PROSER2: variants seen among roughly 807,000 people sequenced by gnomAD.
The protein encoded by PROSER2 is proline and serine-rich protein 2.
A neutral mutation model predicts 14.6 loss-of-function variants in PROSER2; 18 were observed. The ratio of observed to expected loss-of-function variants is 1.23; its 90% CI spans 0.85 to 1.83. PROSER2 has a LOEUF of 1.83. Ranked by LOEUF, PROSER2 falls within the 40% of genes most tolerant of loss-of-function variation. PROSER2 has a pLI of 0.00. For synonymous variants in PROSER2, 367 were observed against 286.4 expected (o/e 1.28, Z -2.84); for missense variants, 823 against 629.8 (o/e 1.31, Z -3.28).
intron 1 of PROSER2, among the ~76,000 whole-genome samples, chr10:11,825,537 G>C (rs1250138094): frequency 6.6e-6 from 1 of 152,222 alleles, no homozygotes; most frequent in African/African-American, 2.4e-5. Flanking sequence ...AGGAAAGCCT[G>C]TGTTCATGGA....
rs1012011589 is a variant in PROSER2 at position 11,870,616 on chromosome 10, C to T, written c.*210C>T. 6.4e-6 allele frequency: 3 copies of T among 470,304 alleles called. No individual in the cohort carries two copies. In the South Asian group the frequency reaches 1.4e-4, roughly 21 times the overall value. 29.1% of individuals were successfully genotyped at this position (470,304 alleles called of 1,614,324 possible). ...CAGCCACCGGCACAGAGAACTCTTCCCTAAAGGAATCTGGCCGAGGGCTTG... is the reference window on the plus strand; with the variant it reads ...CAGCCACCGGCACAGAGAACTCTTCTCTAAAGGAATCTGGCCGAGGGCTTG... On this transcript the variant is annotated 3_prime_UTR_variant, in exon 4 of 4. Coordinates refer to ENST00000277570, the MANE Select transcript of PROSER2 (RefSeq NM_153256.4).
At chr10:11,839,842 T>C (rs1309962293) in intron 1 of PROSER2, among the ~76,000 whole-genome samples, 2 of 151,650 alleles carry the variant, frequency 1.3e-5, no homozygotes. Flanking sequence ...AAAAAAAGAC[T>C]TAAAATACAA....
rs80048352 is a variant in PROSER2 at position 11,866,188 on chromosome 10, C to T, written c.139-343C>T. On this transcript the variant is annotated intron_variant, in intron 2 of 3. Coordinates refer to ENST00000277570, the MANE Select transcript of PROSER2 (RefSeq NM_153256.4). This position sits in a 1 kb window ranked among gnomAD's most constrained non-coding sequence, Gnocchi z 6.0. Reference sequence around the variant, plus strand: ...CCACCATCTTTAAGCAGAGGTTTCCCGTGATTATGGAAAAACAAGTGTGTT... The same window carrying T: ...CCACCATCTTTAAGCAGAGGTTTCCTGTGATTATGGAAAAACAAGTGTGTT... 0.018 allele frequency among the ~76,000 whole-genome samples: 2,791 copies of T among 152,244 alleles called. 87 individuals carry two copies. Among genetic ancestry groups the T allele is most frequent in the African/African-American group, 0.063 (2,602 of 41,524 alleles).
At chr10:11,839,818 GTC>G (rs1417867946) in intron 1 of PROSER2, among the ~76,000 whole-genome samples, 3 of 130,606 alleles carry the variant, frequency 2.3e-5, no homozygotes, top group Non-Finnish European at 4.8e-5. Context: ...GAGTGAGATT[GTC>G]TCAAAAAAAA....
At chr10:11,867,790 T>C (rs912784356) in intron 3 of PROSER2, among the ~76,000 whole-genome samples, 1 of 152,162 alleles carries the variant, frequency 6.6e-6, no homozygotes, top group African/African-American at 2.4e-5. Context: ...ACCAGGGTTG[T>C]TGGGGATCCC....
intron 1 of PROSER2, among the ~76,000 whole-genome samples, chr10:11,828,276 T>A (rs1588481590): frequency 6.7e-6 from 1 of 148,170 alleles, no homozygotes; most frequent in East Asian, 2.0e-4. Flanking sequence ...AGTTTGCACA[T>A]ATTACTTAAA....
At position 11,835,641 on chromosome 10, in the gene PROSER2, T is replaced by C. The variant is rs142211055; in HGVS notation, c.-82+12171T>C. On this transcript the variant is annotated intron_variant, in intron 1 of 3. Transcript: ENST00000277570. ...AGTACATTTCTTATTATAAAACTCA[T>C]TTTTGTTAATACACAATTACATAAA... Among the ~76,000 whole-genome samples, 903 of 152,332 alleles carry C rather than the reference T, an allele frequency of 5.9e-3. 10 individuals carry two copies. The highest frequency in any genetic ancestry group is 0.021 in the African/African-American group (870 of 41,574).
At chr10:11,832,968 G>T (rs546571764) in intron 1 of PROSER2, among the ~76,000 whole-genome samples, 4 of 151,376 alleles carry the variant, frequency 2.6e-5, no homozygotes, top group Non-Finnish European at 5.9e-5. Context: ...TCAGCCTCCC[G>T]AGTAGCTGGG....
Position 11,869,627 on chromosome 10 carries a change from G to T in PROSER2, c.529G>T (p.Ala177Ser). Reference sequence around the variant, plus strand: ...CGATCCCCCCAGGAGGGAGCTGCGCGCCCCCTCCCCGCCGGTGGAGCACCC... The same window carrying T: ...CGATCCCCCCAGGAGGGAGCTGCGCTCCCCCTCCCCGCCGGTGGAGCACCC... ...TPDPPRRELR[A>S]PSPPVEHPRL... The change falls in exon 4 of 4, where the codon GCC becomes TCC. Residue 177 changes from alanine to serine, a missense_variant. Transcript: ENST00000277570. This position sits in a 1 kb window ranked among gnomAD's most constrained non-coding sequence, Gnocchi z 4.4. The T allele has an allele frequency of 1.3e-6, 2 of 1,590,670 alleles. No individual in the cohort carries two copies. The highest frequency in any genetic ancestry group is 1.7e-6 in the Non-Finnish European group (2 of 1,167,040).
Position 11,870,538 on chromosome 10 carries a change from G to T in PROSER2, c.*132G>T. ...AGCCCCTGCCCTCTGTGGCACATCG[G>T]AGTCTAGAGGTGCCTGGCTGGGGCC... On this transcript the variant is annotated 3_prime_UTR_variant, in exon 4 of 4. Transcript: ENST00000277570. 1.3e-6 allele frequency: 1 copy of T among 752,918 alleles called. No homozygotes were observed. 46.6% of individuals were successfully genotyped at this position (752,918 alleles called of 1,614,324 possible).
At chr10:11,848,847 G>A (rs991829136) in intron 1 of PROSER2, among the ~76,000 whole-genome samples, 1 of 152,074 alleles carries the variant, frequency 6.6e-6, no homozygotes, top group African/African-American at 2.4e-5. Context: ...TCTTTTTTCT[G>A]TTAGGAATGC....
At position 11,830,812 on chromosome 10, in the gene PROSER2, G is replaced by A. The variant is rs1413378377; in HGVS notation, c.-82+7342G>A. Among the ~76,000 whole-genome samples, 3 of 152,160 alleles carry A rather than the reference G, an allele frequency of 2.0e-5. No homozygotes were observed. The highest frequency in any genetic ancestry group is 7.2e-5 in the African/African-American group (3 of 41,426). On this transcript the variant is annotated intron_variant, in intron 1 of 3. Transcript: ENST00000277570. This position sits in a 1 kb window ranked among gnomAD's most constrained non-coding sequence, Gnocchi z 4.5. ...GCTTTCTCTCTGCCCTATTAAAACT[G>A]GGTAATGCCTTTGTGCCCACAGGCT...
rs1482992820 is a variant in PROSER2 at position 11,836,901 on chromosome 10, GAAAT to G, written c.-82+13436_-82+13439del. 1.4e-4 allele frequency among the ~76,000 whole-genome samples: 21 copies of G among 152,186 alleles called. No homozygotes were observed. The highest frequency in any genetic ancestry group is 1.5e-5 in the Non-Finnish European group (1 of 68,040). ...CAAAAATATGCGATGGAAAATTCCA[GAAAT>G]AAATCCTTCATAAGTTTTAAATTGT... On this transcript the variant is annotated intron_variant, in intron 1 of 3. Transcript: ENST00000277570. This position sits in a 1 kb window ranked among gnomAD's most constrained non-coding sequence, Gnocchi z 4.6.
chr10:11,848,555 G>T (rs774039299), intron 1 of PROSER2, among the ~76,000 whole-genome samples: 1 of 152,146 alleles, frequency 6.6e-6, no homozygotes, highest in Non-Finnish European at 1.5e-5. Context: ...TCTTGGTTCT[G>T]CCCACCCTTC....
chr10:11,869,680 C>T lies in PROSER2; in HGVS notation c.582C>T (p.Pro194=), dbSNP rs1264639538. ...HPRLLRSVPT[P]LVMAQKISER... ...GACTCCTGCGCTCTGTTCCCACGCC[C>T]CTCGTTATGGCGCAGAAGATTTCCG... is the stretch of plus-strand genomic sequence containing the variant. The change falls in exon 4 of 4, where the codon CCC becomes CCT. Residue 194 remains proline (P), a synonymous_variant. Coordinates refer to ENST00000277570, the MANE Select transcript of PROSER2 (RefSeq NM_153256.4). This position sits in a 1 kb window ranked among gnomAD's most constrained non-coding sequence, Gnocchi z 4.4. 5 of 1,598,724 alleles carry T rather than the reference C, an allele frequency of 3.1e-6. No homozygotes were observed. The South Asian group carries it at 4.5e-5, about 14-fold the overall frequency.
At chr10:11,857,615 C>T (rs1352228527) in intron 2 of PROSER2, among the ~76,000 whole-genome samples, 4 of 151,930 alleles carry the variant, frequency 2.6e-5, no homozygotes, top group East Asian at 1.9e-4. Flanking sequence ...CGTGGTGACG[C>T]GTGCCTGTAA....
rs1245315705 is a variant in PROSER2 at position 11,838,892 on chromosome 10, C to T, written c.-81-13105C>T. On this transcript the variant is annotated intron_variant, in intron 1 of 3. Coordinates refer to ENST00000277570, the MANE Select transcript of PROSER2 (RefSeq NM_153256.4). This position sits in a 1 kb window ranked among gnomAD's most constrained non-coding sequence, Gnocchi z 4.4. Reference sequence around the variant, plus strand: ...ATATTCTAGCTATCAATTCCTTATACGTATTAGACATAGTACATATCTTCT... The same window carrying T: ...ATATTCTAGCTATCAATTCCTTATATGTATTAGACATAGTACATATCTTCT... Among the ~76,000 whole-genome samples the T allele has an allele frequency of 2.0e-5, 3 of 152,136 alleles. No individual in the cohort carries two copies. Among genetic ancestry groups the T allele is most frequent in the African/African-American group, 7.2e-5 (3 of 41,432 alleles).
Position 11,866,212 on chromosome 10 carries a change from T to A in PROSER2, c.139-319T>A, listed in dbSNP as rs1009176802. On this transcript the variant is annotated intron_variant, in intron 2 of 3. Coordinates refer to ENST00000277570, the MANE Select transcript of PROSER2 (RefSeq NM_153256.4). This position sits in a 1 kb window ranked among gnomAD's most constrained non-coding sequence, Gnocchi z 6.0. ...CCGTGATTATGGAAAAACAAGTGTGTTGGATAGCCGTAGGCTGACTGCAGC... is the reference window on the plus strand; with the variant it reads ...CCGTGATTATGGAAAAACAAGTGTGATGGATAGCCGTAGGCTGACTGCAGC... Among the ~76,000 whole-genome samples, 10 of 152,250 alleles carry A rather than the reference T, an allele frequency of 6.6e-5. No homozygotes were observed. The highest frequency in any genetic ancestry group is 2.1e-4 in the South Asian group (1 of 4,834).
At chr10:11,863,836 G>A (rs1013908665) in intron 2 of PROSER2, among the ~76,000 whole-genome samples, 1 of 152,022 alleles carries the variant, frequency 6.6e-6, no homozygotes, top group Non-Finnish European at 1.5e-5. Flanking sequence ...ATAGATAAAT[G>A]CTTTCTCTCA....
Sources: allele counts gnomAD v4.1 joint callset (sites outside exome capture counted in the v4.1 genomes callset), GRCh38; gene constraint gnomAD v4.1.1; non-coding constraint Gnocchi (gnomAD v3.1); transcripts MANE v1.5; gene names NCBI Gene and HGNC (gene_info 2026-07-23, HGNC 2026-07-21).